The following ATP8A1 variants were observed in gnomAD, a reference collection of about 807,000 sequenced individuals.
ATP8A1 encodes ATPase phospholipid transporting 8A1.
A neutral mutation model predicts 177.7 loss-of-function variants in ATP8A1; 90 were observed. The observed-to-expected ratio is 0.51, with a 90% CI of 0.43 to 0.60. The LOEUF (loss-of-function observed/expected upper bound fraction) is 0.60. Among genes scored for constraint, ATP8A1 ranks in the 20% least tolerant of loss-of-function variants. The pLI is 0.00. For missense variants in ATP8A1, 1,072 were observed against 1,392.8 expected (o/e 0.77, Z 3.67); for synonymous variants, 493 against 485.9 (o/e 1.01, Z -0.19).
rs1451606625 is a variant in ATP8A1, at chr4:42,446,096, AAAAGAG to A, written c.2958+481_2958+486del. Among the ~76,000 whole-genome samples, 41 of 148,404 alleles carry A rather than the reference AAAAGAG, an allele frequency of 2.8e-4. 8 individuals are homozygous for A. In the East Asian group the frequency reaches 3.3e-3, roughly 12 times the overall value. Reference sequence around the variant, plus strand: ...ACGCCCTCTCAAAAAAAAAAAAAAAAAAAGAGAAGAGATATAGTTTGAAATAAATTA... The same window carrying A: ...ACGCCCTCTCAAAAAAAAAAAAAAAAAAGAGATATAGTTTGAAATAAATTA... On this transcript the variant is annotated intron_variant, in intron 31 of 36. Transcript: ENST00000381668.
intron 15 of ATP8A1, among the ~76,000 whole-genome samples, chr4:42,558,155 C>T (rs1453344511): frequency 6.6e-6 from 1 of 152,138 alleles, no homozygotes; most frequent in Admixed American, 6.5e-5. Context: ...CCACTCCTCT[C>T]CAAAATTTTA....
intron 5 of ATP8A1, among the ~76,000 whole-genome samples, chr4:42,603,663 T>C (rs1022234397): frequency 6.6e-6 from 1 of 152,212 alleles, no homozygotes; most frequent in Non-Finnish European, 1.5e-5. Flanking sequence ...GTTGATTTTA[T>C]GCCTTTAGCA....
chr4:42,589,471 G>T (rs1048616333), intron 7 of ATP8A1, among the ~76,000 whole-genome samples: 2 of 152,098 alleles, frequency 1.3e-5, no homozygotes, highest in Admixed American at 1.3e-4. Flanking sequence ...GTGGCCCGAA[G>T]ATTTGTGAAA....
At chr4:42,489,851 T>C (rs1722566445) in intron 24 of ATP8A1, among the ~76,000 whole-genome samples, 1 of 152,146 alleles carries the variant, frequency 6.6e-6, no homozygotes. Flanking sequence ...AATTTTTAAA[T>C]ATTGAAACTT....
chr4:42,419,517 A>G (rs1490500423), intron 35 of ATP8A1, among the ~76,000 whole-genome samples: 1 of 152,232 alleles, frequency 6.6e-6, no homozygotes, highest in Non-Finnish European at 1.5e-5. Flanking sequence ...AAAAAATTGA[A>G]TCTACATTGG....
intron 29 of ATP8A1, among the ~76,000 whole-genome samples, chr4:42,453,899 G>A (rs1034242479): frequency 3.3e-5 from 5 of 152,164 alleles, no homozygotes; most frequent in Non-Finnish European, 2.9e-5. Flanking sequence ...GCCATCATTT[G>A]TGAATGCTCA....
rs938525021 is a variant in ATP8A1, at chr4:42,577,499, T to C, written c.1128+761A>G. ...TTCATATTGAAAGACTTTACAATGA[T>C]TGAAAAAGAAAGAAACATCAAAAAT... On this transcript the variant is annotated intron_variant, in intron 12 of 36. Transcript: ENST00000381668. Among the ~76,000 whole-genome samples, 20 of 152,028 alleles carry C rather than the reference T, an allele frequency of 1.3e-4. No individual in the cohort carries two copies. In the South Asian group the frequency reaches 3.1e-3, roughly 24 times the overall value.
chr4:42,572,246 T>C (rs1731983531), intron 14 of ATP8A1, among the ~76,000 whole-genome samples: 1 of 152,152 alleles, frequency 6.6e-6, no homozygotes, highest in Non-Finnish European at 1.5e-5. Context: ...TATTAAGCAA[T>C]TGTTAAATGC....
intron 22 of ATP8A1, among the ~76,000 whole-genome samples, chr4:42,512,819 G>A (rs80005451): frequency 0.01 from 1,538 of 152,302 alleles, 25 homozygotes; most frequent in African/African-American, 0.036. Flanking sequence ...GAAATGTGCA[G>A]TGGTTGCAAA....
At chr4:42,609,951 G>A (rs1210299850) in intron 5 of ATP8A1, among the ~76,000 whole-genome samples, 3 of 151,986 alleles carry the variant, frequency 2.0e-5, no homozygotes, top group Admixed American at 6.6e-5. Flanking sequence ...TCATGACATG[G>A]ATTCTATGCC....
At chr4:42,489,392 T>G (rs139916758) in intron 24 of ATP8A1, among the ~76,000 whole-genome samples, 257 of 152,248 alleles carry the variant, frequency 1.7e-3, no homozygotes, top group African/African-American at 5.9e-3. Context: ...TTATTGAAAA[T>G]TCTCTAAATT....
intron 21 of ATP8A1, among the ~76,000 whole-genome samples, chr4:42,522,557 T>C (rs549581401): frequency 6.6e-6 from 1 of 152,172 alleles, no homozygotes; most frequent in Non-Finnish European, 1.5e-5. Flanking sequence ...GTTTCTAAAA[T>C]CTGAATCTTA....
rs114432734 is a variant in ATP8A1, at chr4:42,498,928, T to C, written c.2151+4522A>G. 1.4e-3 allele frequency among the ~76,000 whole-genome samples: 206 copies of C among 152,334 alleles called. 1 individual carries two copies. The highest frequency in any genetic ancestry group is 4.7e-3 in the African/African-American group (196 of 41,574). On this transcript the variant is annotated intron_variant, in intron 24 of 36. Transcript: ENST00000381668. The stretch of plus-strand genomic sequence containing the variant: ...CTACCTGAGCTTGGTCCAGTTATCC[T>C]TCTAGATTCTTTATCTGTAAAATGG...
intron 25 of ATP8A1, among the ~76,000 whole-genome samples, chr4:42,478,945 G>A (rs1721374967): frequency 6.6e-6 from 1 of 152,162 alleles, no homozygotes; most frequent in Admixed American, 6.5e-5. Flanking sequence ...AAGCCAGTGA[G>A]GAGAGATGAG....
At chr4:42,423,517 T>C (rs1415443276) in intron 34 of ATP8A1, 100 bp downstream of exon 34, 8 of 696,298 alleles carry the variant, frequency 1.1e-5, no homozygotes, top group Non-Finnish European at 1.6e-5. Flanking sequence ...CCAGTCCCTA[T>C]CCTGCAAGCT....
At chr4:42,647,998 T>C (rs1402890103) in intron 1 of ATP8A1, among the ~76,000 whole-genome samples, 3 of 152,154 alleles carry the variant, frequency 2.0e-5, no homozygotes, top group Non-Finnish European at 4.4e-5. Context: ...TTTTAAAACC[T>C]ACAGAGACAA....
chr4:42,639,372 G>T (rs1440543216), intron 1 of ATP8A1, among the ~76,000 whole-genome samples: 2 of 152,112 alleles, frequency 1.3e-5, no homozygotes, highest in Admixed American at 6.6e-5. Flanking sequence ...GGGACACAAA[G>T]AATTGATGAG....
chr4:42,603,473 T>G lies in ATP8A1; in HGVS notation c.410-2955A>C, dbSNP rs150834081. Reference sequence around the variant, plus strand: ...TGGGTATGGTTTTTTTAACTTTTATTTTGTTGTTTCTGTAGCAATGCTTTT... The same window carrying G: ...TGGGTATGGTTTTTTTAACTTTTATGTTGTTGTTTCTGTAGCAATGCTTTT... On this transcript the variant is annotated intron_variant, in intron 5 of 36. Transcript: ENST00000381668. 3.2e-3 allele frequency among the ~76,000 whole-genome samples: 480 copies of G among 152,348 alleles called. 2 individuals are homozygous for G. Among genetic ancestry groups the G allele is most frequent in the Non-Finnish European group, 2.6e-3 (179 of 68,040 alleles).
intron 30 of ATP8A1, among the ~76,000 whole-genome samples, chr4:42,448,586 C>T (rs548380675): frequency 2.6e-5 from 4 of 151,010 alleles, no homozygotes; most frequent in African/African-American, 7.3e-5. Context: ...TTGGTAGAGA[C>T]GGGGTTTCAC....
Sources: gnomAD v4.1 joint callset for allele counts (sites outside exome capture counted in the v4.1 genomes callset) on GRCh38, gnomAD v4.1.1 for gene constraint, MANE v1.5 for transcripts, NCBI Gene and HGNC (gene_info 2026-07-23, HGNC 2026-07-21) for gene names.